Variants in ATL3 observed in about 807,000 individuals in gnomAD.
ATL3 encodes atlastin GTPase 3.
ATL3 carries 49 observed loss-of-function variants against 69.5 expected under a neutral mutation model. That is an observed-to-expected ratio of 0.71 (90% confidence interval 0.56 to 0.89). The LOEUF is 0.89. ATL3 is among the 40% of genes least tolerant of loss of function. The probability of loss-of-function intolerance (pLI) is 0.00; values close to 1 mark genes in which losing one functional copy is unlikely to be tolerated. For synonymous variants in ATL3, 214 were observed against 224.1 expected, an observed-to-expected ratio of 0.95 and a Z score of 0.40; for missense variants, 606 against 645.7, an observed-to-expected ratio of 0.94 and a Z score of 0.67.
rs966907926 is a variant in ATL3, at chr11:63,632,564, T to C, written c.1107+462A>G. Reference sequence around the variant, plus strand: ...TATGTCCCAGTGGGTCATGTTTGGTTAGAAGGTGATAAATCTACAGAATTC... The same window carrying C: ...TATGTCCCAGTGGGTCATGTTTGGTCAGAAGGTGATAAATCTACAGAATTC... On this transcript the variant is annotated intron_variant, in intron 11 of 12. Coordinates refer to ENST00000398868, the MANE Select transcript of ATL3 (RefSeq NM_015459.5). 7 of 850,748 alleles carry C rather than the reference T, an allele frequency of 8.2e-6. No homozygotes were observed. In the African/African-American group the frequency reaches 9.9e-5, roughly 12 times the overall value. The allele number at this position is 850,748 out of a possible 1,614,324, so 52.7% of individuals were successfully genotyped here.
intron 10 of ATL3, among the ~76,000 whole-genome samples, chr11:63,634,325 T>C (rs1184113587): frequency 6.0e-5 from 9 of 151,116 alleles, no homozygotes; most frequent in African/African-American, 2.2e-4. Context: ...GCTAACACGG[T>C]GAAACCCTGT....
At position 63,624,480 on chromosome 11, in the gene ATL3, T is replaced by C. The variant is rs577277520; in HGVS notation, c.*4839A>G. The C allele has an allele frequency of 1.5e-4, 23 of 152,298 alleles. No homozygotes were observed. Among genetic ancestry groups the C allele is most frequent in the African/African-American group, 4.8e-4 (20 of 41,572 alleles). The allele number at this position is 152,298 out of a possible 1,614,324, so 9.4% of individuals were successfully genotyped here. On this transcript the variant is annotated 3_prime_UTR_variant, in exon 13 of 13. Coordinates refer to ENST00000398868, the MANE Select transcript of ATL3 (RefSeq NM_015459.5). ...AGCCCTTCTGTCCCTAGATCTGTTT[T>C]GCAAAGTTTCTGATATGGGGTACTT... is the stretch of plus-strand genomic sequence containing the variant.
chr11:63,659,097 C>A lies in ATL3; in HGVS notation c.202G>T (p.Ala68Ser), dbSNP rs757382932. Residue 68 changes from alanine to serine, a missense_variant, in exon 2 of 13, where the codon GCC becomes TCC. Coordinates refer to ENST00000398868, the MANE Select transcript of ATL3 (RefSeq NM_015459.5). ...ATGAAGGACTTGCCCTTTCGGAAGG[C>A]ACCAGCCACTGAAACCACCACCACA... ...LDVVVVSVAG[A>S]FRKGKSFILD... 6.2e-7 allele frequency: 1 copy of A among 1,613,998 alleles called. No homozygotes were observed. The highest frequency in any genetic ancestry group is 8.5e-7 in the Non-Finnish European group (1 of 1,180,008).
intron 11 of ATL3, 136 bp from the exon 12 acceptor site, chr11:63,631,607 G>A: frequency 1.3e-6 from 1 of 795,796 alleles, no homozygotes; most frequent in South Asian, 1.9e-5. Context: ...TTTAAAAGAT[G>A]ACTAAGACCA....
chr11:63,632,432 C>T (rs1939351909), intron 11 of ATL3: 1 of 837,748 alleles, frequency 1.2e-6, no homozygotes, highest in Non-Finnish European at 2.1e-6. Flanking sequence ...ATTGTGATTG[C>T]AAAAAGCCCA....
chr11:63,646,464 C>A, intron 6 of ATL3, 43 bp downstream of exon 6: 2 of 1,330,722 alleles, frequency 1.5e-6, no homozygotes, highest in Admixed American at 2.1e-5. Context: ...TCTGTGAAAA[C>A]AAAAACAAAG....
At chr11:63,633,168 A>G (rs187411605) in intron 10 of ATL3, 71 bp from the exon 11 acceptor site, 1 of 1,271,936 alleles carries the variant, frequency 7.9e-7, no homozygotes, top group East Asian at 2.3e-5. Flanking sequence ...AACCTAACAA[A>G]AATCTTCTCT....
At chr11:63,669,355 T>C (rs1487312093) in intron 1 of ATL3, among the ~76,000 whole-genome samples, 1 of 151,330 alleles carries the variant, frequency 6.6e-6, no homozygotes, top group African/African-American at 2.4e-5. Flanking sequence ...GCAAACATGG[T>C]GAAACCCCGT....
Position 63,659,271 on chromosome 11 carries a change from A to C in ATL3, c.47-19T>G. 2 of 1,602,956 alleles carry C rather than the reference A, an allele frequency of 1.2e-6. No homozygotes were observed. Among genetic ancestry groups the C allele is most frequent in the South Asian group, 2.2e-5 (2 of 90,534 alleles). ...GCATCATCTATGTTCATGCAGAGAA[A>C]AAAAATCAGTGTCAAATATTTAAAA... is the stretch of plus-strand genomic sequence containing the variant. On this transcript the variant is annotated intron_variant, in intron 1 of 12. Transcript: ENST00000398868.
chr11:63,644,316 GAAC>G (rs1316091351), intron 6 of ATL3, 55 bp from the exon 7 acceptor site: 15 of 1,015,234 alleles, frequency 1.5e-5, no homozygotes, highest in Non-Finnish European at 2.1e-5. Context: ...ATTTTCAAGA[GAAC>G]AACTGCAATA....
intron 1 of ATL3, among the ~76,000 whole-genome samples, chr11:63,666,618 G>C (rs1319362858): frequency 1.3e-5 from 2 of 151,020 alleles, no homozygotes; most frequent in Non-Finnish European, 3.0e-5. Context: ...GGAGGCCGAG[G>C]GGGGTGGATC....
At chr11:63,666,191 C>T (rs1188928298) in intron 1 of ATL3, among the ~76,000 whole-genome samples, 1 of 152,060 alleles carries the variant, frequency 6.6e-6, no homozygotes, top group Non-Finnish European at 1.5e-5. Context: ...TACAGGTACC[C>T]ACCACCACGC....
chr11:63,642,482 A>T (rs1939730948), intron 8 of ATL3, among the ~76,000 whole-genome samples: 1 of 152,212 alleles, frequency 6.6e-6, no homozygotes, highest in African/African-American at 2.4e-5. Context: ...TAGTAACTAA[A>T]CAGTACATAT....
chr11:63,664,455 G>T (rs906733358), intron 1 of ATL3, among the ~76,000 whole-genome samples: 1 of 151,330 alleles, frequency 6.6e-6, no homozygotes. Flanking sequence ...CAGGAGAATC[G>T]CTTGAACCCG....
chr11:63,669,528 CCTT>C (rs1226676254), intron 1 of ATL3, among the ~76,000 whole-genome samples: 10 of 151,406 alleles, frequency 6.6e-5, no homozygotes, highest in Admixed American at 5.3e-4. Context: ...GAGCAAGACT[CCTT>C]CTCACCAGAA....
intron 10 of ATL3, among the ~76,000 whole-genome samples, chr11:63,634,858 T>C (rs992143106): frequency 3.3e-5 from 5 of 151,694 alleles, no homozygotes; most frequent in South Asian, 2.1e-4. Context: ...CCCTATTTTT[T>C]TCTTTTAATT....
At position 63,624,139 on chromosome 11, in the gene ATL3, G is replaced by C. The variant is rs1335976536; in HGVS notation, c.*5180C>G. The C allele has an allele frequency of 2.6e-5, 4 of 152,090 alleles. No homozygotes were observed. Among genetic ancestry groups the C allele is most frequent in the African/African-American group, 9.7e-5 (4 of 41,426 alleles). The allele number at this position is 152,090 out of a possible 1,614,324, so 9.4% of individuals were successfully genotyped here. On this transcript the variant is annotated 3_prime_UTR_variant, in exon 13 of 13. Coordinates refer to ENST00000398868, the MANE Select transcript of ATL3 (RefSeq NM_015459.5). Reference sequence around the variant, plus strand: ...TGATCTTACAAATTGGAGTAAAACAGAAACATGCTTTTAATATACTAATAG... The same window carrying C: ...TGATCTTACAAATTGGAGTAAAACACAAACATGCTTTTAATATACTAATAG...
intron 5 of ATL3, among the ~76,000 whole-genome samples, chr11:63,647,771 GTAAA>G (rs2134498659): frequency 6.6e-6 from 1 of 152,278 alleles, no homozygotes; most frequent in Admixed American, 6.5e-5. Flanking sequence ...AACTTTAAAA[GTAAA>G]TAAATAAACA....
In ATL3 at chr11:63,646,386, T is replaced by A. The variant is rs982033941; in HGVS notation, c.618+121A>T. ...AACCATTTAAAAATGTAAAAACCAT[T>A]CTTAGCTCACAAGTCATATAAAAAC... On this transcript the variant is annotated intron_variant, in intron 6 of 12. Transcript: ENST00000398868. 7.0e-6 allele frequency: 4 copies of A among 570,766 alleles called. No individual in the cohort carries two copies. The East Asian group carries it at 1.3e-4, about 18-fold the overall frequency. The allele number at this position is 570,766 out of a possible 1,614,324, so 35.4% of individuals were successfully genotyped here.
Sources: allele counts gnomAD v4.1 joint callset (sites outside exome capture counted in the v4.1 genomes callset), GRCh38; gene constraint gnomAD v4.1.1; transcripts MANE v1.5; gene names NCBI Gene and HGNC (gene_info 2026-07-23, HGNC 2026-07-21).